Variants in PCDH15 observed in about 807,000 individuals in gnomAD.
PCDH15 encodes the protein protocadherin related 15, also known as protocadherin-15.
A neutral mutation model predicts 178.5 loss-of-function variants in PCDH15; 129 were observed. The observed-to-expected ratio is 0.72, with a 90% CI of 0.63 to 0.84. PCDH15 has a LOEUF of 0.84. Ranked by LOEUF, PCDH15 falls within the 40% of genes least tolerant of loss-of-function variation. The probability of loss-of-function intolerance (pLI) is 0.00; values close to 1 mark genes in which losing one functional copy is unlikely to be tolerated. For synonymous variants in PCDH15, 800 were observed against 732.0 expected, an observed-to-expected ratio of 1.09 and a Z score of -1.50; for missense variants, 2,230 against 2,099.9, an observed-to-expected ratio of 1.06 and a Z score of -1.21.
At chr10:55,120,648 A>G (rs1196316021) in intron 2 of PCDH15, among the ~76,000 whole-genome samples, 1 of 152,170 alleles carries the variant, frequency 6.6e-6, no homozygotes, top group Non-Finnish European at 1.5e-5. Context: ...GGGAAACATG[A>G]TGAGATTAAA....
At chr10:54,222,412 C>T (rs1327412189) in intron 9 of PCDH15, among the ~76,000 whole-genome samples, 3 of 152,184 alleles carry the variant, frequency 2.0e-5, no homozygotes, top group Non-Finnish European at 4.4e-5. Context: ...TTGAGAATGA[C>T]ATTTAGATGG....
upstream of PCDH15, among the ~76,000 whole-genome samples, chr10:54,804,189 A>G (rs563418420): frequency 2.2e-4 from 34 of 152,068 alleles, no homozygotes; most frequent in East Asian, 1.9e-3. Context: ...ACAGGCGCCC[A>G]CCACCACGCC....
intron 2 of PCDH15, among the ~76,000 whole-genome samples, chr10:54,928,299 G>T (rs1837681775): frequency 6.6e-6 from 1 of 152,042 alleles, no homozygotes; most frequent in Admixed American, 6.6e-5. Flanking sequence ...CTGCTGAGAG[G>T]TCTGCTATTA....
intron 5 of PCDH15, among the ~76,000 whole-genome samples, chr10:54,350,930 C>A (rs1359205090): frequency 1.3e-5 from 2 of 151,982 alleles, no homozygotes; most frequent in African/African-American, 4.8e-5. Flanking sequence ...ATGGTGAAAT[C>A]CTGTCTCTAC....
At position 55,519,864 on chromosome 10, in the gene PCDH15, T is replaced by A. The variant is rs1841116648; in HGVS notation, c.-156+107761A>T. 2.0e-5 allele frequency among the ~76,000 whole-genome samples: 3 copies of A among 151,212 alleles called. No individual in the cohort carries two copies. The South Asian group carries it at 6.2e-4, about 31-fold the overall frequency. On this transcript the variant is annotated intron_variant, in intron 2 of 5. Coordinates refer to the PCDH15 transcript ENST00000613346. ...ACCTAAGCATATGATGTATATTACC[T>A]CTTGAAGAGGTAATGCAACATGAAA...
At chr10:54,182,075 A>G (rs933192079) in intron 13 of PCDH15, among the ~76,000 whole-genome samples, 2 of 152,116 alleles carry the variant, frequency 1.3e-5, no homozygotes, top group African/African-American at 4.8e-5. Flanking sequence ...CTCCTGCCTC[A>G]GCCTCCCGAG....
intron 2 of PCDH15, among the ~76,000 whole-genome samples, chr10:55,434,008 G>A (rs1369102531): frequency 6.7e-6 from 1 of 149,940 alleles, no homozygotes; most frequent in African/African-American, 2.5e-5. Context: ...CATATTCAAA[G>A]CATTATTTAC....
chr10:55,425,572 A>T (rs1838733626), intron 2 of PCDH15, among the ~76,000 whole-genome samples: 1 of 152,022 alleles, frequency 6.6e-6, no homozygotes, highest in African/African-American at 2.4e-5. Flanking sequence ...CTTTCATTTT[A>T]TTGCTAATCT....
chr10:55,238,902 C>G (rs1487534198), intron 1 of PCDH15, among the ~76,000 whole-genome samples: 1 of 152,046 alleles, frequency 6.6e-6, no homozygotes, highest in Non-Finnish European at 1.5e-5. Flanking sequence ...CAATTCCACT[C>G]TTTTAGTTAT....
intron 2 of PCDH15, among the ~76,000 whole-genome samples, chr10:55,360,348 G>GGTC (rs1238604031): frequency 2.4e-4 from 37 of 151,972 alleles, no homozygotes; most frequent in Middle Eastern, 3.4e-3. Flanking sequence ...ATGACCTTAG[G>GGTC]ATAATCAAGG....
chr10:54,004,201 A>G (rs530247732), intron 20 of PCDH15, among the ~76,000 whole-genome samples: 1 of 152,108 alleles, frequency 6.6e-6, no homozygotes, highest in Non-Finnish European at 1.5e-5. Context: ...GGAAAAACTG[A>G]AAGCCTTTCC....
chr10:55,529,529 A>G (rs900929330), intron 2 of PCDH15, among the ~76,000 whole-genome samples: 2 of 151,574 alleles, frequency 1.3e-5, no homozygotes, highest in African/African-American at 4.8e-5. Flanking sequence ...AATTTTAAAA[A>G]TCTATTAAAT....
At chr10:55,259,902 C>CAAAAAAAAAAAAAAAAAA (rs749939571) in intron 1 of PCDH15, among the ~76,000 whole-genome samples, 6 of 52,008 alleles carry the variant, frequency 1.2e-4, no homozygotes, top group Admixed American at 2.3e-4. Context: ...AACTCCGTCT[C>CAAAAAAAAAAAAAAAAAA]AAAAAAAAAA....
At chr10:55,095,323 A>G (rs1416037938) in intron 2 of PCDH15, among the ~76,000 whole-genome samples, 1 of 151,998 alleles carries the variant, frequency 6.6e-6, no homozygotes, top group Non-Finnish European at 1.5e-5. Flanking sequence ...TCTTAAATAT[A>G]TTAAAAAATA....
chr10:53,989,721 T>C (rs1289954970), intron 21 of PCDH15, among the ~76,000 whole-genome samples: 1 of 152,118 alleles, frequency 6.6e-6, no homozygotes, highest in Non-Finnish European at 1.5e-5. Flanking sequence ...CTCCTCATGC[T>C]CCTGGGTGAG....
chr10:54,350,938 T>C (rs1944073856), intron 5 of PCDH15, among the ~76,000 whole-genome samples: 1 of 152,056 alleles, frequency 6.6e-6, no homozygotes, highest in Non-Finnish European at 1.5e-5. Flanking sequence ...ATCCTGTCTC[T>C]ACTAAAAATA....
chr10:54,577,459 A>G (rs1411420797), intron 2 of PCDH15, among the ~76,000 whole-genome samples: 1 of 152,080 alleles, frequency 6.6e-6, no homozygotes, highest in African/African-American at 2.4e-5. Context: ...AATAATGTAA[A>G]TGCAAGTTAA....
Position 54,501,111 on chromosome 10 carries a change from A to G in PCDH15, c.157+26701T>C, listed in dbSNP as rs889722005. 3.9e-5 allele frequency among the ~76,000 whole-genome samples: 6 copies of G among 152,126 alleles called. No individual in the cohort carries two copies. The South Asian group carries it at 1.2e-3, about 32-fold the overall frequency. On this transcript the variant is annotated intron_variant, in intron 3 of 37. Coordinates refer to ENST00000644397, the MANE Select transcript of PCDH15 (RefSeq NM_001384140.1). ...CAGGGGGTGGGAGGCAAGGGAAGGG[A>G]TAGCATTAGGAGAAATACCTAATGT...
intron 16 of PCDH15, among the ~76,000 whole-genome samples, chr10:54,085,889 G>T (rs1437260135): frequency 6.6e-6 from 1 of 152,052 alleles, no homozygotes; most frequent in Non-Finnish European, 1.5e-5. Context: ...CGTATTGAGA[G>T]AATTTGCATT....
Sources: gnomAD v4.1 joint callset for allele counts (sites outside exome capture counted in the v4.1 genomes callset) on GRCh38, gnomAD v4.1.1 for gene constraint, MANE v1.5 for transcripts, NCBI Gene and HGNC (gene_info 2026-07-23, HGNC 2026-07-21) for gene names.